The following EXOC6 variants were observed in gnomAD, a reference collection of about 807,000 sequenced individuals.
EXOC6 encodes the protein SEC15-like 1.
Under a neutral mutation model 112.5 loss-of-function variants are expected in EXOC6, and 60 were observed. That is an observed-to-expected ratio of 0.53 (90% CI 0.43 to 0.66). The LOEUF (loss-of-function observed/expected upper bound fraction) is 0.66. EXOC6 is among the 30% of genes least tolerant of loss of function. The pLI is 0.00. For missense variants in EXOC6, 855 were observed against 957.1 expected (o/e 0.89, Z 1.41); for synonymous variants, 295 against 308.0 (o/e 0.96, Z 0.44).
At chr10:93,017,755 T>C (rs762109413) in intron 20 of EXOC6, among the ~76,000 whole-genome samples, 2 of 152,120 alleles carry the variant, frequency 1.3e-5, no homozygotes, top group Non-Finnish European at 2.9e-5. Context: ...CTCATGCCTG[T>C]AATCCCAGCA....
chr10:92,870,713 C>CA (rs1848405709), intron 1 of EXOC6, among the ~76,000 whole-genome samples: 1 of 143,202 alleles, frequency 7.0e-6, no homozygotes. Context: ...TAGGTGTTAT[C>CA]TTTTTTTTTT....
At chr10:92,919,936 C>T in intron 7 of EXOC6, 46 bp from the exon 8 acceptor site, 2 of 1,195,668 alleles carry the variant, frequency 1.7e-6, no homozygotes, top group Non-Finnish European at 2.4e-6. Context: ...TAATGGTGGT[C>T]TAATAGTTTG....
chr10:92,896,083 G>GTA (rs200260390), intron 4 of EXOC6, among the ~76,000 whole-genome samples: 25,051 of 91,716 alleles, frequency 0.27, 5,362 homozygotes, highest in East Asian at 0.69. Context: ...ATATATATGT[G>GTA]TATATATATA....
intron 19 of EXOC6, among the ~76,000 whole-genome samples, chr10:93,004,203 A>C (rs901563960): frequency 1.2e-4 from 19 of 152,168 alleles, no homozygotes; most frequent in African/African-American, 4.3e-4. Context: ...TGAATGAGTA[A>C]AGGTACAATT....
chr10:92,975,705 C>T (rs1274040248), intron 18 of EXOC6, among the ~76,000 whole-genome samples: 20 of 121,228 alleles, frequency 1.6e-4, no homozygotes, highest in African/African-American at 6.0e-4. Context: ...GTGAGGAGCC[C>T]CTCTGCCCGG....
intron 19 of EXOC6, among the ~76,000 whole-genome samples, chr10:92,998,147 T>C (rs835244): frequency 0.01 from 1,583 of 152,324 alleles, 30 homozygotes; most frequent in African/African-American, 0.036. Context: ...CTAATGTTGA[T>C]GTTAGTCAAT....
At chr10:92,918,404 C>G (rs1201938731) in intron 7 of EXOC6, among the ~76,000 whole-genome samples, 1 of 147,398 alleles carries the variant, frequency 6.8e-6, no homozygotes, top group Non-Finnish European at 1.5e-5. Flanking sequence ...TGAGTGTTTA[C>G]TATGTGCATT....
Position 92,998,620 on chromosome 10 carries a change from G to A in EXOC6, c.2095+1005G>A, listed in dbSNP as rs142561140. Among the ~76,000 whole-genome samples the A allele has an allele frequency of 6.5e-5, 7 of 107,304 alleles. No homozygotes were observed. The Admixed American group carries it at 8.2e-4, about 13-fold the overall frequency. The allele number at this position is 107,304 out of a possible 152,430, so 70.4% of individuals were successfully genotyped here. A position where few individuals can be genotyped will look rare whatever the true frequency, so the allele number is the denominator to read the frequency against. On this transcript the variant is annotated intron_variant, in intron 19 of 21. Transcript: ENST00000260762. Reference sequence around the variant, plus strand: ...GCTCTTTGGACAAGATCAATTGTCTGTTGCACACCACACACACACACACAC... The same window carrying A: ...GCTCTTTGGACAAGATCAATTGTCTATTGCACACCACACACACACACACAC...
chr10:92,986,738 G>A (rs1245705834), intron 18 of EXOC6, among the ~76,000 whole-genome samples: 1 of 147,650 alleles, frequency 6.8e-6, no homozygotes, highest in Non-Finnish European at 1.5e-5. Flanking sequence ...AATTTGAAAA[G>A]TAAATTAGGT....
chr10:92,971,289 C>T (rs371099502), intron 17 of EXOC6, among the ~76,000 whole-genome samples: 5 of 152,176 alleles, frequency 3.3e-5, no homozygotes, highest in African/African-American at 1.2e-4. Context: ...CGTGATTCAC[C>T]CGCCTTGGCC....
rs145304646 is a variant in EXOC6, at chr10:93,047,361, C to T, written c.2170-9563C>T. Reference sequence around the variant, plus strand: ...AGACCAGCCTGGCCAACGTGTGAAACGTTGTCTCTACTAAAAATGCAAAAA... The same window carrying T: ...AGACCAGCCTGGCCAACGTGTGAAATGTTGTCTCTACTAAAAATGCAAAAA... On this transcript the variant is annotated intron_variant, in intron 20 of 21. Transcript: ENST00000260762. Among the ~76,000 whole-genome samples the T allele has an allele frequency of 4.2e-4, 64 of 151,608 alleles. No individual in the cohort carries two copies. The East Asian group carries it at 0.01, about 24-fold the overall frequency.
At chr10:92,922,916 A>T (rs562876062) in intron 8 of EXOC6, among the ~76,000 whole-genome samples, 2 of 152,258 alleles carry the variant, frequency 1.3e-5, no homozygotes, top group South Asian at 4.1e-4. Flanking sequence ...CTGGGCTAGA[A>T]ACTTTAGGGA....
At chr10:92,858,625 A>C (rs1054236815) in intron 1 of EXOC6, among the ~76,000 whole-genome samples, 9 of 152,016 alleles carry the variant, frequency 5.9e-5, no homozygotes, top group African/African-American at 2.2e-4. Flanking sequence ...TTCTTTATCC[A>C]TCTCTATTTG....
chr10:92,844,866 T>G (rs1189975536), upstream of EXOC6, among the ~76,000 whole-genome samples: 1 of 152,192 alleles, frequency 6.6e-6, no homozygotes, highest in Non-Finnish European at 1.5e-5. Flanking sequence ...AGGCCTGACA[T>G]CTAGTAAGAG....
chr10:92,908,442 G>A (rs1850564898), intron 5 of EXOC6, among the ~76,000 whole-genome samples: 1 of 152,004 alleles, frequency 6.6e-6, no homozygotes, highest in Non-Finnish European at 1.5e-5. Flanking sequence ...ATTAGTTAAT[G>A]CCTTTTCCTG....
intron 12 of EXOC6, among the ~76,000 whole-genome samples, chr10:92,940,246 A>G (rs1852580434): frequency 6.6e-6 from 1 of 152,154 alleles, no homozygotes; most frequent in African/African-American, 2.4e-5. Context: ...GGAGTCGGAA[A>G]GAATAAAATT....
intron 20 of EXOC6, among the ~76,000 whole-genome samples, chr10:93,032,057 A>G (rs1845303000): frequency 6.6e-6 from 1 of 151,520 alleles, no homozygotes; most frequent in South Asian, 2.1e-4. Flanking sequence ...AATAATTTGT[A>G]GTTTTCTATT....
intron 1 of EXOC6, among the ~76,000 whole-genome samples, chr10:92,875,438 G>GT (rs1848641606): frequency 6.6e-6 from 1 of 151,990 alleles, no homozygotes; most frequent in South Asian, 2.1e-4. Flanking sequence ...GCATTATTTT[G>GT]TTGTTTGTAA....
At chr10:92,860,029 A>G (rs946630191) in intron 1 of EXOC6, among the ~76,000 whole-genome samples, 1 of 152,178 alleles carries the variant, frequency 6.6e-6, no homozygotes, top group Non-Finnish European at 1.5e-5. Context: ...TGTGCCGAAA[A>G]TGTCAAAAGG....
Sources: allele counts gnomAD v4.1 joint callset (sites outside exome capture counted in the v4.1 genomes callset), GRCh38; gene constraint gnomAD v4.1.1; transcripts MANE v1.5; gene names NCBI Gene and HGNC (gene_info 2026-07-23, HGNC 2026-07-21).